GPC6: variants seen among roughly 807,000 people sequenced by gnomAD.
GPC6 encodes glypican-6.
Under a neutral mutation model 55.2 loss-of-function variants are expected in GPC6, and 14 were observed. The ratio of observed to expected loss-of-function variants is 0.25; its 90% confidence interval spans 0.17 to 0.40. The LOEUF (loss-of-function observed/expected upper bound fraction) is 0.40, where lower values mean the gene tolerates loss of function less well. Ranked by LOEUF, GPC6 falls within the 10% of genes least tolerant of loss-of-function variation. The probability of loss-of-function intolerance (pLI) is 1.00; values close to 1 mark genes in which losing one functional copy is unlikely to be tolerated. For missense variants in GPC6, 641 were observed against 708.5 expected, an observed-to-expected ratio of 0.90 and a Z score of 1.08; for synonymous variants, 278 against 259.6, an observed-to-expected ratio of 1.07 and a Z score of -0.68.
At chr13:94,308,359 A>G (rs9584211) in intron 6 of GPC6, among the ~76,000 whole-genome samples, 63,772 of 152,048 alleles carry the variant, frequency 0.42, 13,974 homozygotes, top group African/African-American at 0.51. Context: ...TGAACCTTTT[A>G]TAAAGGAACT....
intron 4 of GPC6, among the ~76,000 whole-genome samples, chr13:94,105,905 A>G (rs116500064): frequency 0.043 from 6,548 of 151,856 alleles, 494 homozygotes; most frequent in African/African-American, 0.15. Flanking sequence ...AGCATCCTAC[A>G]TTGAAAAGGG....
chr13:93,515,791 A>G (rs1030690981), intron 1 of GPC6, among the ~76,000 whole-genome samples: 3 of 152,210 alleles, frequency 2.0e-5, no homozygotes, highest in South Asian at 4.1e-4. Context: ...ACAATTAACC[A>G]TAAATAAAAT....
chr13:93,860,454 G>A (rs1409112295), intron 3 of GPC6, among the ~76,000 whole-genome samples: 1 of 151,524 alleles, frequency 6.6e-6, no homozygotes. Context: ...TTGAAATAGG[G>A]TAGTTTTTTC....
chr13:93,800,077 T>C (rs559964071), intron 2 of GPC6, among the ~76,000 whole-genome samples: 27 of 152,296 alleles, frequency 1.8e-4, no homozygotes, highest in Non-Finnish European at 3.2e-4. Context: ...TGCTGCTACA[T>C]CACGTAATAT....
chr13:93,413,214 C>T (rs755311021), intron 1 of GPC6, among the ~76,000 whole-genome samples: 7 of 152,158 alleles, frequency 4.6e-5, no homozygotes, highest in Non-Finnish European at 1.0e-4. Flanking sequence ...TTTCTCTTTA[C>T]ACTTATGGTG....
chr13:93,974,259 C>T (rs1286538359), intron 3 of GPC6, among the ~76,000 whole-genome samples: 4 of 152,164 alleles, frequency 2.6e-5, no homozygotes. Flanking sequence ...GTTTCATTAA[C>T]ATTTATTCTA....
intron 2 of GPC6, among the ~76,000 whole-genome samples, chr13:93,617,108 A>G (rs1046565801): frequency 6.6e-6 from 1 of 152,158 alleles, no homozygotes; most frequent in Non-Finnish European, 1.5e-5. Flanking sequence ...CACAGAGGTT[A>G]CTGGAGTAAT....
At chr13:93,733,639 A>G (rs1457694107) in intron 2 of GPC6, among the ~76,000 whole-genome samples, 1 of 151,956 alleles carries the variant, frequency 6.6e-6, no homozygotes, top group East Asian at 1.9e-4. Flanking sequence ...GCATGAAATG[A>G]TTGGTAGTCC....
intron 4 of GPC6, among the ~76,000 whole-genome samples, chr13:94,053,662 A>T (rs1884032987): frequency 6.6e-6 from 1 of 152,182 alleles, no homozygotes; most frequent in Admixed American, 6.5e-5. Context: ...GCAACAAATG[A>T]TAAGCTCATC....
At chr13:93,261,119 T>C (rs1449935494) in intron 1 of GPC6, among the ~76,000 whole-genome samples, 1 of 152,138 alleles carries the variant, frequency 6.6e-6, no homozygotes, top group Non-Finnish European at 1.5e-5. Context: ...TTGCTTTCCT[T>C]TCTGAAGCCT....
At chr13:93,483,748 G>A (rs1383805928) in intron 1 of GPC6, among the ~76,000 whole-genome samples, 2 of 152,142 alleles carry the variant, frequency 1.3e-5, no homozygotes, top group African/African-American at 4.8e-5. Context: ...GCGGCTCATG[G>A]TAGAAACAGT....
chr13:93,983,120 C>T (rs976933272), intron 3 of GPC6, among the ~76,000 whole-genome samples: 2 of 152,240 alleles, frequency 1.3e-5, no homozygotes, highest in South Asian at 2.1e-4. Flanking sequence ...GCAATGATTA[C>T]GCATTAGCTG....
chr13:94,381,329 C>G (rs192286759), intron 6 of GPC6, among the ~76,000 whole-genome samples: 170 of 152,242 alleles, frequency 1.1e-3, no homozygotes, highest in African/African-American at 3.9e-3. Context: ...GGCTGGAAGT[C>G]TGAAATCAAG....
At chr13:93,347,096 A>G (rs1880457166) in intron 1 of GPC6, among the ~76,000 whole-genome samples, 1 of 152,180 alleles carries the variant, frequency 6.6e-6, no homozygotes, top group Non-Finnish European at 1.5e-5. Flanking sequence ...TTCTTTTTGA[A>G]CATGTAGGGG....
intron 1 of GPC6, among the ~76,000 whole-genome samples, chr13:93,544,621 G>C (rs1874673548): frequency 6.6e-6 from 1 of 152,190 alleles, no homozygotes; most frequent in African/African-American, 2.4e-5. Context: ...AGATAGATCT[G>C]TTGAATTAAA....
intron 1 of GPC6, among the ~76,000 whole-genome samples, chr13:93,322,431 CTTTTTT>C (rs71272281): frequency 3.5e-4 from 34 of 96,774 alleles, no homozygotes; most frequent in African/African-American, 1.3e-3. Context: ...TTTCTTTCTT[CTTTTTT>C]TTTTTTTTTT....
intron 3 of GPC6, among the ~76,000 whole-genome samples, chr13:93,839,774 A>T: frequency 6.6e-6 from 1 of 152,192 alleles, no homozygotes; most frequent in Middle Eastern, 3.4e-3. Context: ...CTGAGCCAAG[A>T]TCTTGCATAT....
intron 4 of GPC6, among the ~76,000 whole-genome samples, chr13:94,076,481 GT>G (rs934714497): frequency 6.6e-6 from 1 of 151,840 alleles, no homozygotes; most frequent in Non-Finnish European, 1.5e-5. Flanking sequence ...GGAACTTTTA[GT>G]TTGATGTAGT....
chr13:94,175,047 C>T (rs1888698142), intron 4 of GPC6, among the ~76,000 whole-genome samples: 1 of 152,134 alleles, frequency 6.6e-6, no homozygotes, highest in Non-Finnish European at 1.5e-5. Context: ...AGATTTCTAA[C>T]ACCATCAATT....
Sources: gnomAD v4.1 joint callset for allele counts (sites outside exome capture counted in the v4.1 genomes callset) on GRCh38, gnomAD v4.1.1 for gene constraint, MANE v1.5 for transcripts, NCBI Gene and HGNC (gene_info 2026-07-23, HGNC 2026-07-21) for gene names.